FILIP1L: variants seen among roughly 807,000 people sequenced by gnomAD.
The protein encoded by FILIP1L is filamin A interacting protein 1 like, also known as filamin A-interacting protein 1-like.
Under a neutral mutation model 96.6 loss-of-function variants are expected in FILIP1L, and 55 were observed. That is an observed-to-expected ratio of 0.57 (90% CI 0.46 to 0.71). FILIP1L has a LOEUF of 0.71. Ranked by LOEUF, FILIP1L falls within the 30% of genes least tolerant of loss-of-function variation. FILIP1L has a pLI of 0.00. For synonymous variants in FILIP1L, 467 were observed against 473.9 expected (o/e 0.99, Z 0.19); for missense variants, 1,304 against 1,321.2 (o/e 0.99, Z 0.20).
At chr3:99,919,181 ATACTT>A (rs200851359) in intron 4 of FILIP1L, among the ~76,000 whole-genome samples, 1 of 152,084 alleles carries the variant, frequency 6.6e-6, no homozygotes, top group African/African-American at 2.4e-5. Flanking sequence ...CTCTAGTAAA[ATACTT>A]TAGTTTAATG....
At chr3:100,004,450 A>G (rs1430198046) in intron 1 of FILIP1L, among the ~76,000 whole-genome samples, 7 of 152,220 alleles carry the variant, frequency 4.6e-5, no homozygotes, top group Non-Finnish European at 1.0e-4. Flanking sequence ...GAGGAGAACC[A>G]ACAGAAGGAA....
chr3:100,048,275 G>A (rs999735635), intron 1 of FILIP1L, among the ~76,000 whole-genome samples: 1 of 152,222 alleles, frequency 6.6e-6, no homozygotes, highest in African/African-American at 2.4e-5. Context: ...TAACTCACTT[G>A]TTTATCCCTT....
chr3:99,995,869 G>A (rs1280141672), intron 1 of FILIP1L, among the ~76,000 whole-genome samples: 2 of 152,322 alleles, frequency 1.3e-5, no homozygotes, highest in East Asian at 3.9e-4. Context: ...ACAGCATGGG[G>A]ATCCTGGGCC....
At position 100,114,049 on chromosome 3, in the gene FILIP1L, TTACCGTGCAGG is replaced by T. The variant is rs1242886127; in HGVS notation, c.-18_-11+3del. ...CTCAGCAAGGATGGGGACACTTAGC[TTACCGTGCAGG>T]TACCGTGCAGGTGTTGATCACACCT... On this transcript the variant is annotated splice_donor_variant and splice_donor_region_variant and 5_prime_UTR_variant and intron_variant, in exon 1 of 6. Transcript: ENST00000477258. LOFTEE classifies it low-confidence loss of function (5UTR_SPLICE). 4 of 152,084 alleles carry T rather than the reference TTACCGTGCAGG, an allele frequency of 2.6e-5. No homozygotes were observed. Among genetic ancestry groups the T allele is most frequent in the African/African-American group, 9.7e-5 (4 of 41,362 alleles). 9.4% of individuals were successfully genotyped at this position (152,084 alleles called of 1,614,324 possible).
At chr3:99,927,400 G>A (rs1480857482) in intron 3 of FILIP1L, among the ~76,000 whole-genome samples, 2 of 147,198 alleles carry the variant, frequency 1.4e-5, no homozygotes, top group Admixed American at 6.8e-5. Context: ...ACGGAGTTTC[G>A]CTTTTGTTGT....
intron 5 of FILIP1L, among the ~76,000 whole-genome samples, chr3:99,832,722 T>C (rs1942724029): frequency 1.6e-5 from 1 of 62,418 alleles, no homozygotes; most frequent in South Asian, 4.8e-4. Context: ...ACTCCTGTAA[T>C]CCCAGCTACT....
chr3:100,065,115 G>A (rs1490129182), intron 1 of FILIP1L, among the ~76,000 whole-genome samples: 3 of 152,162 alleles, frequency 2.0e-5, no homozygotes, highest in Non-Finnish European at 4.4e-5. Context: ...AGTATGGAAT[G>A]TATATATAAT....
Position 100,113,110 on chromosome 3 carries a change from G to C in FILIP1L, c.-11+943C>G, listed in dbSNP as rs1457042954. Among the ~76,000 whole-genome samples the C allele has an allele frequency of 2.0e-5, 3 of 152,196 alleles. No homozygotes were observed. The East Asian group carries it at 5.8e-4, about 29-fold the overall frequency. On this transcript the variant is annotated intron_variant, in intron 1 of 5. Coordinates refer to ENST00000477258, the MANE Select transcript of FILIP1L (RefSeq NM_001387850.1). ...TGTTGCACCTCTTCTATTCCTTCCTGAGATGTGAACAGATAATGAATAAAG... is the reference window on the plus strand; with the variant it reads ...TGTTGCACCTCTTCTATTCCTTCCTCAGATGTGAACAGATAATGAATAAAG...
At chr3:100,051,715 A>G (rs1175195670) in intron 1 of FILIP1L, among the ~76,000 whole-genome samples, 1 of 151,440 alleles carries the variant, frequency 6.6e-6, no homozygotes, top group Non-Finnish European at 1.5e-5. Flanking sequence ...ATAGTATTCC[A>G]TGGTGTACAT....
At chr3:99,928,273 C>T (rs1707360694) in intron 3 of FILIP1L, among the ~76,000 whole-genome samples, 2 of 152,012 alleles carry the variant, frequency 1.3e-5, no homozygotes, top group Admixed American at 6.6e-5. Context: ...CTTCCTAGAC[C>T]GAGGAAAAGG....
At chr3:100,020,125 C>G (rs1227948862) in intron 1 of FILIP1L, among the ~76,000 whole-genome samples, 5 of 152,148 alleles carry the variant, frequency 3.3e-5, no homozygotes, top group Admixed American at 1.3e-4. Flanking sequence ...ATTTTATTTT[C>G]TAAAATTAAG....
At chr3:99,895,170 A>G (rs1477282871) in intron 4 of FILIP1L, among the ~76,000 whole-genome samples, 2 of 152,136 alleles carry the variant, frequency 1.3e-5, no homozygotes, top group Admixed American at 6.6e-5. Context: ...GCTTATATAT[A>G]TATAGTGGCC....
chr3:99,862,575 T>C (rs557534943), intron 4 of FILIP1L, among the ~76,000 whole-genome samples: 1 of 152,326 alleles, frequency 6.6e-6, no homozygotes, highest in African/African-American at 2.4e-5. Flanking sequence ...GATCTCTACC[T>C]ACTAAATGCC....
chr3:99,892,866 C>T (rs1706129195), intron 4 of FILIP1L, among the ~76,000 whole-genome samples: 1 of 152,196 alleles, frequency 6.6e-6, no homozygotes, highest in Non-Finnish European at 1.5e-5. Context: ...ATCATGTGGG[C>T]TTAATGGATT....
intron 4 of FILIP1L, among the ~76,000 whole-genome samples, chr3:99,921,833 A>G (rs2107651280): frequency 1.3e-5 from 2 of 152,232 alleles, no homozygotes; most frequent in South Asian, 4.2e-4. Flanking sequence ...CATTTTTCCC[A>G]CAATTTTTCT....
At chr3:99,941,765 A>G (rs2107677090) in intron 1 of FILIP1L, among the ~76,000 whole-genome samples, 1 of 152,366 alleles carries the variant, frequency 6.6e-6, no homozygotes, top group East Asian at 1.9e-4. Flanking sequence ...GTAATTTGTA[A>G]TAAGTTAAAA....
At chr3:100,049,967 C>T (rs1035163884) in intron 1 of FILIP1L, among the ~76,000 whole-genome samples, 3 of 152,124 alleles carry the variant, frequency 2.0e-5, no homozygotes, top group Non-Finnish European at 4.4e-5. Context: ...ACCCTAACTT[C>T]TGAGTTGTTC....
At chr3:100,039,202 C>A (rs1338872763) in intron 1 of FILIP1L, among the ~76,000 whole-genome samples, 1 of 152,070 alleles carries the variant, frequency 6.6e-6, no homozygotes, top group Non-Finnish European at 1.5e-5. Flanking sequence ...TGGTGAAAAC[C>A]ATTATGCATT....
At chr3:99,950,063 A>T (rs1708130373) in intron 1 of FILIP1L, among the ~76,000 whole-genome samples, 1 of 152,216 alleles carries the variant, frequency 6.6e-6, no homozygotes, top group Admixed American at 6.5e-5. Context: ...ATTGGGGACA[A>T]GGTCATTTTA....
Sources: allele counts gnomAD v4.1 joint callset (sites outside exome capture counted in the v4.1 genomes callset), GRCh38; gene constraint gnomAD v4.1.1; transcripts MANE v1.5; gene names NCBI Gene and HGNC (gene_info 2026-07-23, HGNC 2026-07-21).